Variants in NEDD4 observed in about 807,000 individuals in gnomAD.
NEDD4 encodes E3 ubiquitin-protein ligase NEDD4.
In NEDD4, 99 loss-of-function variants were observed where a neutral mutation model predicts 144.9. The observed-to-expected ratio is 0.68, with a 90% CI of 0.58 to 0.81. NEDD4 has a LOEUF of 0.81. Ranked by LOEUF, NEDD4 falls within the 30% of genes least tolerant of loss-of-function variation. NEDD4 has a pLI of 0.00. For missense variants in NEDD4, 985 were observed against 1,065.9 expected, an observed-to-expected ratio of 0.92 and a Z score of 1.06; for synonymous variants, 318 against 350.6, an observed-to-expected ratio of 0.91 and a Z score of 1.04.
At chr15:55,848,953 C>T in intron 14 of NEDD4, 67 bp from the exon 15 acceptor site, 1 of 1,244,216 alleles carries the variant, frequency 8.0e-7, no homozygotes. Context: ...CAGTCTGTTA[C>T]CATGTTTTCT....
Position 55,830,862 on chromosome 15 carries a change from GCTAA to G in NEDD4, c.2528-280_2528-277del, listed in dbSNP as rs368043458. The stretch of plus-strand genomic sequence containing the variant: ...CTACAGGTGTGCACCACCACGCCTG[GCTAA>G]CTGTTAAAAAAATTCATTTTGTAGA... On this transcript the variant is annotated intron_variant, in intron 27 of 28. Transcript: ENST00000435532. 1.2e-3 allele frequency among the ~76,000 whole-genome samples: 178 copies of G among 152,172 alleles called. 1 individual carries two copies. The highest frequency in any genetic ancestry group is 4.2e-3 in the African/African-American group (173 of 41,512).
At chr15:55,834,774 C>G (rs2033117713) in intron 24 of NEDD4, among the ~76,000 whole-genome samples, 1 of 152,192 alleles carries the variant, frequency 6.6e-6, no homozygotes. Context: ...TCCCATCCTT[C>G]TCAAGCCTCC....
intron 4 of NEDD4, among the ~76,000 whole-genome samples, chr15:55,939,097 C>A (rs1274920571): frequency 2.9e-5 from 4 of 139,632 alleles, no homozygotes; most frequent in African/African-American, 1.1e-4. Context: ...TAGAGTGAGA[C>A]CGTGTCTCGA....
At chr15:55,911,690 C>T (rs529354248) in intron 5 of NEDD4, among the ~76,000 whole-genome samples, 73 of 152,016 alleles carry the variant, frequency 4.8e-4, no homozygotes, top group African/African-American at 1.0e-3. Context: ...CCACCATGCC[C>T]GGCTAATTTT....
intron 1 of NEDD4, among the ~76,000 whole-genome samples, chr15:55,972,212 CACAG>C (rs1165780693): frequency 6.6e-6 from 1 of 152,116 alleles, no homozygotes; most frequent in Non-Finnish European, 1.5e-5. Context: ...AAAGTAAGTA[CACAG>C]ACAAATACAG....
intron 2 of NEDD4, among the ~76,000 whole-genome samples, chr15:55,965,499 C>T (rs1234836973): frequency 6.6e-6 from 1 of 152,096 alleles, no homozygotes; most frequent in African/African-American, 2.4e-5. Flanking sequence ...GATCTCTGTT[C>T]AGATCTTTTG....
intron 4 of NEDD4, among the ~76,000 whole-genome samples, chr15:55,942,939 GA>G (rs2037034693): frequency 6.6e-6 from 1 of 152,170 alleles, no homozygotes; most frequent in South Asian, 2.1e-4. Flanking sequence ...AGGTGGTCTC[GA>G]AGACAAGGAA....
At chr15:55,919,093 A>G (rs1001105762) in intron 5 of NEDD4, among the ~76,000 whole-genome samples, 1 of 152,212 alleles carries the variant, frequency 6.6e-6, no homozygotes, top group African/African-American at 2.4e-5. Context: ...AAGCTTCACT[A>G]TAAGCATCAG....
intron 4 of NEDD4, among the ~76,000 whole-genome samples, chr15:55,941,169 T>G (rs1290666913): frequency 1.3e-5 from 2 of 152,176 alleles, no homozygotes; most frequent in African/African-American, 2.4e-5. Flanking sequence ...TCATTAATTT[T>G]TTTGAAGATC....
intron 5 of NEDD4, among the ~76,000 whole-genome samples, chr15:55,899,325 G>C (rs1162671176): frequency 6.6e-6 from 1 of 152,158 alleles, no homozygotes; most frequent in Non-Finnish European, 1.5e-5. Flanking sequence ...TTCAGAAGTA[G>C]AAACTGATTA....
rs1595720838 is a variant in NEDD4, at chr15:55,832,918, A to G, written c.2527+90T>C. 3 of 844,446 alleles carry G rather than the reference A, an allele frequency of 3.6e-6. No individual in the cohort carries two copies. The East Asian group carries it at 7.3e-5, about 21-fold the overall frequency. The allele number at this position is 844,446 out of a possible 1,614,324, so 52.3% of individuals were successfully genotyped here. ...TCTTTTTAAAATTAAGCTAAGTGTT[A>G]GTAAATGATGGAAGCTTGCGGATTC... On this transcript the variant is annotated intron_variant, in intron 27 of 28. Transcript: ENST00000435532.
At chr15:55,871,692 A>C (rs1328921265) in intron 7 of NEDD4, among the ~76,000 whole-genome samples, 1 of 152,188 alleles carries the variant, frequency 6.6e-6, no homozygotes, top group Non-Finnish European at 1.5e-5. Context: ...AATCATTTTT[A>C]AGTGAAAAAT....
At chr15:55,974,082 G>C (rs980398349) in intron 1 of NEDD4, among the ~76,000 whole-genome samples, 1 of 152,086 alleles carries the variant, frequency 6.6e-6, no homozygotes, top group African/African-American at 2.4e-5. Flanking sequence ...GATGAAAAAG[G>C]AGACATTACA....
chr15:55,993,147 T>A (rs2038014859), intron 1 of NEDD4, among the ~76,000 whole-genome samples: 1 of 152,210 alleles, frequency 6.6e-6, no homozygotes, highest in Admixed American at 6.5e-5. Context: ...TCCCAACGCC[T>A]GGGAGCTCCG....
intron 5 of NEDD4, among the ~76,000 whole-genome samples, chr15:55,881,741 C>T (rs2035201397): frequency 6.6e-6 from 1 of 151,766 alleles, no homozygotes; most frequent in African/African-American, 2.4e-5. Flanking sequence ...GATTTGTGAC[C>T]CTGCAGTGCT....
At chr15:55,910,092 A>T (rs1395963007) in intron 5 of NEDD4, among the ~76,000 whole-genome samples, 1 of 152,188 alleles carries the variant, frequency 6.6e-6, no homozygotes, top group East Asian at 1.9e-4. Context: ...TTCTCCAGGA[A>T]AAAGAGACTG....
rs371566051 is a variant in NEDD4 at position 55,842,253 on chromosome 15, C to A, written c.1609-90G>T. 6.1e-5 allele frequency: 63 copies of A among 1,032,764 alleles called. No individual in the cohort carries two copies. The East Asian group carries it at 9.9e-4, about 16-fold the overall frequency. 64.0% of individuals were successfully genotyped at this position (1,032,764 alleles called of 1,614,324 possible). On this transcript the variant is annotated intron_variant, in intron 18 of 28. Coordinates refer to ENST00000435532, the MANE Select transcript of NEDD4 (RefSeq NM_006154.4). The stretch of plus-strand genomic sequence containing the variant: ...ATAAAGTTATAACATTCCCTCTACA[C>A]CCTGTGTCCAAGTCTCTTTTTCCTT...
At chr15:55,836,949 A>T (rs2033233680) in intron 24 of NEDD4, among the ~76,000 whole-genome samples, 1 of 152,204 alleles carries the variant, frequency 6.6e-6, no homozygotes, top group Non-Finnish European at 1.5e-5. Context: ...GTCAGCCACC[A>T]TGCCCAGCCA....
intron 5 of NEDD4, chr15:55,915,333 G>C (rs1308394052): frequency 1.2e-6 from 2 of 1,609,904 alleles, no homozygotes; most frequent in Admixed American, 1.7e-5. Flanking sequence ...GCTGTCTCTT[G>C]ATAAATTATC....
Sources: gnomAD v4.1 joint callset for allele counts (sites outside exome capture counted in the v4.1 genomes callset) on GRCh38, gnomAD v4.1.1 for gene constraint, MANE v1.5 for transcripts, NCBI Gene and HGNC (gene_info 2026-07-23, HGNC 2026-07-21) for gene names.